The following GORAB variants were observed in gnomAD, a reference collection of about 807,000 sequenced individuals.
The protein encoded by GORAB is RAB6-interacting golgin.
GORAB carries 17 observed loss-of-function variants against 29.9 expected under a neutral mutation model. The observed-to-expected ratio is 0.57, with a 90% CI of 0.39 to 0.85. GORAB has a LOEUF of 0.85. Ranked by LOEUF, GORAB falls within the 40% of genes least tolerant of loss-of-function variation. The pLI is 0.00. For synonymous variants in GORAB, 183 were observed against 157.2 expected (o/e 1.16, Z -1.23); for missense variants, 442 against 437.8 (o/e 1.01, Z -0.09).
At chr1:170,532,638 G>A in intron 1 of GORAB, 2 of 307,572 alleles carry the variant, frequency 6.5e-6, no homozygotes, top group South Asian at 6.4e-5. Flanking sequence ...GTTAGGGTCA[G>A]GGTAAGGGAA....
At chr1:170,545,483 T>G (rs1463040407) in intron 4 of GORAB, 2 of 983,862 alleles carry the variant, frequency 2.0e-6, no homozygotes, top group Non-Finnish European at 2.4e-6. Flanking sequence ...TGGAGTATTT[T>G]TAAAATGAAC....
At chr1:170,534,527 C>T (rs1571237156) in intron 1 of GORAB, among the ~76,000 whole-genome samples, 1 of 152,134 alleles carries the variant, frequency 6.6e-6, no homozygotes, top group Admixed American at 6.5e-5. Flanking sequence ...TATATACAGT[C>T]ACGCACTCAA....
chr1:170,532,268 A>C lies in GORAB; in HGVS notation c.45A>C (p.Arg15Ser). ...WAGFSEEELRRLKQTKDPFEP... is the reference protein window; with the variant it reads ...WAGFSEEELRSLKQTKDPFEP... ...GATTCTCTGAGGAGGAACTGAGGAG[A>C]CTAAAGCAGACTAAAGGTTACAAGA... The change falls in exon 1 of 5, where the codon AGA becomes AGC. Residue 15 changes from arginine to serine, a missense_variant. Arg to Ser is a moderately radical substitution (Grantham distance 110). Transcript: ENST00000367763. The C allele has an allele frequency of 1.2e-6, 2 of 1,614,034 alleles. No individual in the cohort carries two copies. Among genetic ancestry groups the C allele is most frequent in the Middle Eastern group, 1.7e-4 (1 of 6,058 alleles).
Position 170,553,279 on chromosome 1 carries a change from T to C in GORAB, c.*817T>C. 1 of 450,388 alleles carries C rather than the reference T, an allele frequency of 2.2e-6. No individual in the cohort carries two copies. Among genetic ancestry groups the C allele is most frequent in the Non-Finnish European group, 4.4e-6 (1 of 225,790 alleles). 27.9% of individuals were successfully genotyped at this position (450,388 alleles called of 1,614,324 possible). A position where few individuals can be genotyped will look rare whatever the true frequency, so the allele number is the denominator to read the frequency against. The stretch of plus-strand genomic sequence containing the variant: ...TATGTATTTTCTTTCTAAAGTTATC[T>C]ATAAATATGTTTTTGATATGTTGGA... On this transcript the variant is annotated 3_prime_UTR_variant, in exon 5 of 5. Coordinates refer to ENST00000367763, the MANE Select transcript of GORAB (RefSeq NM_152281.3).
At position 170,553,607 on chromosome 1, in the gene GORAB, C is replaced by G; in HGVS notation, c.*1145C>G. The G allele has an allele frequency of 2.2e-6, 1 of 452,486 alleles. No homozygotes were observed. The highest frequency in any genetic ancestry group is 4.4e-6 in the Non-Finnish European group (1 of 226,416). 28.0% of individuals were successfully genotyped at this position (452,486 alleles called of 1,614,324 possible). ...AAGTTTCTGAAAAACTTAGGGACATCCTGTTTTTAAATGGGTTTGTTTGAG... is the reference window on the plus strand; with the variant it reads ...AAGTTTCTGAAAAACTTAGGGACATGCTGTTTTTAAATGGGTTTGTTTGAG... On this transcript the variant is annotated 3_prime_UTR_variant, in exon 5 of 5. Transcript: ENST00000367763.
intron 1 of GORAB, among the ~76,000 whole-genome samples, chr1:170,537,090 C>T (rs938089568): frequency 5.9e-5 from 9 of 152,014 alleles, no homozygotes; most frequent in African/African-American, 2.2e-4. Flanking sequence ...TTTCTTCCTG[C>T]CTGCCTTCCT....
intron 2 of GORAB, chr1:170,539,783 A>G (rs1649302204): frequency 1.8e-6 from 1 of 557,836 alleles, no homozygotes; most frequent in South Asian, 2.2e-5. Context: ...TTTAGTCTTC[A>G]TAACAGCCTT....
At chr1:170,534,520 A>G (rs1282322477) in intron 1 of GORAB, among the ~76,000 whole-genome samples, 4 of 152,186 alleles carry the variant, frequency 2.6e-5, no homozygotes, top group Non-Finnish European at 5.9e-5. Flanking sequence ...TATATAATAT[A>G]TACAGTCACG....
At position 170,552,528 on chromosome 1, in the gene GORAB, C is replaced by A; in HGVS notation, c.*66C>A. 7.9e-7 allele frequency: 1 copy of A among 1,258,054 alleles called. No homozygotes were observed. Among genetic ancestry groups the A allele is most frequent in the Non-Finnish European group, 1.2e-6 (1 of 861,514 alleles). 77.9% of individuals were successfully genotyped at this position (1,258,054 alleles called of 1,614,324 possible). On this transcript the variant is annotated 3_prime_UTR_variant, in exon 5 of 5. Transcript: ENST00000367763. ...GTATACTTTTTGCAGTAGATCATGC[C>A]CTGACCTCCAATAAAAACCTCTTTA...
chr1:170,544,548 C>T, intron 3 of GORAB, 157 bp from the exon 4 acceptor site: 2 of 538,818 alleles, frequency 3.7e-6, no homozygotes, highest in Non-Finnish European at 6.3e-6. Context: ...AAATGTTAAC[C>T]AGCTTTTACT....
intron 1 of GORAB, among the ~76,000 whole-genome samples, chr1:170,534,648 T>G (rs1468536417): frequency 6.6e-6 from 1 of 152,200 alleles, no homozygotes; most frequent in Non-Finnish European, 1.5e-5. Flanking sequence ...AATACCGTTG[T>G]TACAGTTGCC....
intron 1 of GORAB, 70 bp downstream of exon 1, chr1:170,532,354 C>A: frequency 1.3e-6 from 2 of 1,529,060 alleles, no homozygotes; most frequent in Non-Finnish European, 1.8e-6. Flanking sequence ...GCAGCTTTGG[C>A]GGGGAAAGGG....
chr1:170,550,318 G>C (rs1263529248), intron 4 of GORAB, among the ~76,000 whole-genome samples: 1 of 152,224 alleles, frequency 6.6e-6, no homozygotes, highest in Non-Finnish European at 1.5e-5. Flanking sequence ...TGTGGAATTG[G>C]ATCACTGAGA....
In GORAB at chr1:170,553,313, A is replaced by G. The variant is rs1251078713; in HGVS notation, c.*851A>G. 2.2e-6 allele frequency: 1 copy of G among 451,890 alleles called. No homozygotes were observed. Among genetic ancestry groups the G allele is most frequent in the Non-Finnish European group, 4.4e-6 (1 of 226,304 alleles). 28.0% of individuals were successfully genotyped at this position (451,890 alleles called of 1,614,324 possible). ...GTTTTTGATATGTTGGACATGAATT[A>G]CCCTGTCATGAAGCGTTTAAATTGT... On this transcript the variant is annotated 3_prime_UTR_variant, in exon 5 of 5. Transcript: ENST00000367763.
Position 170,553,515 on chromosome 1 carries a change from C to CTT in GORAB, c.*1063_*1064dup. ...AAAGTAAAAATATTACCTTTGAGGA[C>CTT]TTTTTTTTTTTAAAAAAAGAATTAT... On this transcript the variant is annotated 3_prime_UTR_variant, in exon 5 of 5. Coordinates refer to ENST00000367763, the MANE Select transcript of GORAB (RefSeq NM_152281.3). 4 of 370,192 alleles carry CTT rather than the reference C, an allele frequency of 1.1e-5. No individual in the cohort carries two copies. Among genetic ancestry groups the CTT allele is most frequent in the Admixed American group, 6.3e-5 (2 of 31,686 alleles). 22.9% of individuals were successfully genotyped at this position (370,192 alleles called of 1,614,324 possible).
chr1:170,541,369 G>C (rs931196400), intron 2 of GORAB, among the ~76,000 whole-genome samples: 1 of 152,036 alleles, frequency 6.6e-6, no homozygotes, highest in Admixed American at 6.6e-5. Context: ...CTCTCTGAGG[G>C]CTAAAGGCCG....
At position 170,552,277 on chromosome 1, in the gene GORAB, A is replaced by C; in HGVS notation, c.925A>C (p.Arg309=). The change falls in exon 5 of 5, where the codon AGG becomes CGG. Residue 309 remains arginine (R), a synonymous_variant. Coordinates refer to ENST00000367763, the MANE Select transcript of GORAB (RefSeq NM_152281.3). ...AAGGAGACCAGTGGTTCGTTTAGAG[A>C]GGCCATTTCAGCCTGCGGAGGAGAG... ...ESRRPVVRLE[R]PFQPAEESVT... 6.2e-7 allele frequency: 1 copy of C among 1,614,128 alleles called. No individual in the cohort carries two copies. Among genetic ancestry groups the C allele is most frequent in the Non-Finnish European group, 8.5e-7 (1 of 1,179,970 alleles).
chr1:170,532,609 AGGAATCAAC>A (rs1648766874), intron 1 of GORAB: 1 of 348,340 alleles, frequency 2.9e-6, no homozygotes, highest in South Asian at 2.6e-5. Context: ...AGATTGCTGC[AGGAATCAAC>A]GGTTGGAAGG....
intron 4 of GORAB, chr1:170,545,476 A>T: frequency 1.0e-6 from 1 of 980,338 alleles, no homozygotes; most frequent in East Asian, 1.1e-4. Flanking sequence ...AATACCATGG[A>T]GTATTTTTAA....
Sources: gnomAD v4.1 joint callset for allele counts (sites outside exome capture counted in the v4.1 genomes callset) on GRCh38, gnomAD v4.1.1 for gene constraint, MANE v1.5 for transcripts, NCBI Gene and HGNC (gene_info 2026-07-23, HGNC 2026-07-21) for gene names.